Variants in LYPD5 observed in about 807,000 individuals in gnomAD.
LYPD5 encodes the protein LY6/PLAUR domain containing 5.
Under a neutral mutation model 19.1 loss-of-function variants are expected in LYPD5, and 21 were observed. The observed-to-expected ratio is 1.10, with a 90% CI of 0.78 to 1.58. LYPD5 has a LOEUF of 1.58. Ranked by LOEUF, LYPD5 falls within the 40% of genes most tolerant of loss-of-function variation. The pLI is 0.00. For synonymous variants in LYPD5, 128 were observed against 142.7 expected (o/e 0.90, Z 0.74); for missense variants, 287 against 329.8 (o/e 0.87, Z 1.00).
intron 1 of LYPD5, among the ~76,000 whole-genome samples, chr19:43,812,380 TCTATC>T (rs774994186): frequency 0.025 from 2,687 of 108,334 alleles, 34 homozygotes; most frequent in Non-Finnish European, 0.03. Context: ...TATCTATCAA[TCTATC>T]ATCTATCTAT....
At chr19:43,818,358 G>A (rs1402328386) in intron 1 of LYPD5, among the ~76,000 whole-genome samples, 3 of 152,170 alleles carry the variant, frequency 2.0e-5, no homozygotes, top group Non-Finnish European at 2.9e-5. Flanking sequence ...TGGTAGGGAA[G>A]GAGACAACAC....
chr19:43,812,463 C>T (rs1970334929), intron 1 of LYPD5, among the ~76,000 whole-genome samples: 1 of 151,838 alleles, frequency 6.6e-6, no homozygotes, highest in African/African-American at 2.4e-5. Flanking sequence ...ACTGTTGAAC[C>T]ATTAAAAGCA....
At chr19:43,811,169 A>T (rs1240206770) in intron 1 of LYPD5, among the ~76,000 whole-genome samples, 1 of 152,188 alleles carries the variant, frequency 6.6e-6, no homozygotes, top group Non-Finnish European at 1.5e-5. Flanking sequence ...TCACAGATTA[A>T]CTTTGAAATA....
chr19:43,804,850 C>T (rs364691), upstream of LYPD5, among the ~76,000 whole-genome samples: 43,000 of 152,046 alleles, frequency 0.28, 6,715 homozygotes, highest in East Asian at 0.48. Flanking sequence ...GGTGGAGGCA[C>T]TGAAGGTCTT....
At chr19:43,804,395 G>A (rs990665599), upstream of LYPD5, among the ~76,000 whole-genome samples, 2 of 151,764 alleles carry the variant, frequency 1.3e-5, no homozygotes, top group African/African-American at 4.8e-5. Context: ...ACATCCCATT[G>A]ACAGAATAAC....
At chr19:43,797,960 C>A in intron 4 of LYPD5, 131 bp from the exon 5 acceptor site, 1 of 705,174 alleles carries the variant, frequency 1.4e-6, no homozygotes, top group Non-Finnish European at 2.4e-6. Context: ...AAGACCAGGG[C>A]CAGGCCTCCC....
At chr19:43,808,480 A>G (rs1459832898) in intron 1 of LYPD5, among the ~76,000 whole-genome samples, 2 of 152,222 alleles carry the variant, frequency 1.3e-5, no homozygotes, top group Admixed American at 1.3e-4. Context: ...ATTCACATCT[A>G]AAGAGTTTAA....
intron 1 of LYPD5, among the ~76,000 whole-genome samples, chr19:43,820,128 A>G (rs991378037): frequency 2.0e-5 from 3 of 152,156 alleles, no homozygotes; most frequent in African/African-American, 7.2e-5. Flanking sequence ...TACACCAAGC[A>G]CTTTCTTCTT....
At chr19:43,807,370 T>C (rs1970280127), upstream of LYPD5, among the ~76,000 whole-genome samples, 1 of 151,754 alleles carries the variant, frequency 6.6e-6, no homozygotes, top group African/African-American at 2.4e-5. Flanking sequence ...AACCTCCGTG[T>C]CCCAGGTTCA....
chr19:43,811,627 A>C (rs1970324221), intron 1 of LYPD5, among the ~76,000 whole-genome samples: 1 of 151,952 alleles, frequency 6.6e-6, no homozygotes, highest in South Asian at 2.1e-4. Context: ...CGGAGGTTGC[A>C]GTGAGCAGAG....
chr19:43,799,786 G>A lies in LYPD5; in HGVS notation c.113C>T (p.Pro38Leu), dbSNP rs773956808. Reference sequence around the variant, plus strand: ...CAGCTTCATGGCCCTGAGGTCAAAGGGGCCAAAGTAGGTGTGCTCAAAGCT... The same window carrying A: ...CAGCTTCATGGCCCTGAGGTCAAAGAGGCCAAAGTAGGTGTGCTCAAAGCT... Reference protein sequence around the residue: ...CYSFEHTYFGPFDLRAMKLPS... With the variant: ...CYSFEHTYFGLFDLRAMKLPS... Residue 38 changes from proline (P) to leucine (L), a missense_variant, in exon 2 of 5, where the codon CCC (proline) becomes CTC (leucine). Physicochemically the swap from Pro to Leu is moderately conservative, Grantham distance 98. Coordinates refer to ENST00000377950, the MANE Select transcript of LYPD5 (RefSeq NM_001031749.3). The A allele has an allele frequency of 2.5e-6, 4 of 1,613,886 alleles. No homozygotes were observed. In the South Asian group the frequency reaches 4.4e-5, roughly 18 times the overall value.
intron 1 of LYPD5, among the ~76,000 whole-genome samples, chr19:43,816,532 A>C (rs948740305): frequency 6.6e-6 from 1 of 152,258 alleles, no homozygotes; most frequent in Middle Eastern, 3.2e-3. Flanking sequence ...GTCAGAGATC[A>C]AGTAAAATAC....
chr19:43,799,727 C>A lies in LYPD5; in HGVS notation c.172G>T (p.Ala58Ser), dbSNP rs1970197323. 6.2e-7 allele frequency: 1 copy of A among 1,613,730 alleles called. No homozygotes were observed. The highest frequency in any genetic ancestry group is 1.3e-5 in the African/African-American group (1 of 74,908). The change falls in exon 2 of 5, where the codon GCT becomes TCT. Residue 58 changes from alanine to serine, a missense_variant. Coordinates refer to ENST00000377950, the MANE Select transcript of LYPD5 (RefSeq NM_001031749.3). The part of the protein sequence containing the change: ...SISCPHECFE[A>S]ILSLDTGYRA... ...TTACCGGTGTCCAGAGACAGGATAGCCTCAAAGCACTCATGAGGACAGGAG... is the reference window on the plus strand; with the variant it reads ...TTACCGGTGTCCAGAGACAGGATAGACTCAAAGCACTCATGAGGACAGGAG...
At position 43,797,759 on chromosome 19, in the gene LYPD5, G is replaced by T. The variant is rs1970153272; in HGVS notation, c.588C>A (p.Ser196Arg). 1.9e-6 allele frequency: 3 copies of T among 1,614,002 alleles called. No homozygotes were observed. The highest frequency in any genetic ancestry group is 2.5e-6 in the Non-Finnish European group (3 of 1,179,952). Residue 196 changes from serine (S) to arginine (R), a missense_variant, in exon 5 of 5, where the codon AGC becomes AGA. Physicochemically the swap from Ser to Arg is moderately radical, Grantham distance 110. Coordinates refer to ENST00000377950, the MANE Select transcript of LYPD5 (RefSeq NM_001031749.3). The part of the protein sequence containing the change: ...RPSCTTEGTT[S>R]PWTAIDLQGS... ...CCTGGAGGTCGATGGCTGTCCAGGG[G>T]CTGGTGGTGCCCTCGGTGGTGCAGG...
intron 2 of LYPD5, 154 bp from the exon 3 acceptor site, chr19:43,799,142 G>A: frequency 2.6e-6 from 2 of 775,642 alleles, no homozygotes; most frequent in South Asian, 1.9e-5. Context: ...CTTTTCCCCC[G>A]AGTTCTTCTC....
At chr19:43,807,405 T>C (rs1333724698), upstream of LYPD5, among the ~76,000 whole-genome samples, 1 of 151,830 alleles carries the variant, frequency 6.6e-6, no homozygotes, top group African/African-American at 2.4e-5. Flanking sequence ...CTCAGCCTCC[T>C]GAGTAGTAGC....
At chr19:43,816,421 C>A (rs1970376775) in intron 1 of LYPD5, among the ~76,000 whole-genome samples, 1 of 152,314 alleles carries the variant, frequency 6.6e-6, no homozygotes, top group Admixed American at 6.5e-5. Flanking sequence ...CCTCTGTGGA[C>A]TACAATATGA....
chr19:43,817,435 T>C (rs186698320), intron 1 of LYPD5, among the ~76,000 whole-genome samples: 429 of 152,226 alleles, frequency 2.8e-3, no homozygotes, highest in African/African-American at 9.9e-3. Context: ...AGTGGAGAAA[T>C]TGACTCCACC....
chr19:43,802,415 C>T lies in LYPD5; in HGVS notation c.-35G>A, dbSNP rs1433275321. ...GGGCCACCTGGGACAGCTCCTCCCG[C>T]TGTGATGTGCTGCCTGGCTGGTTCT... On this transcript the variant is annotated 5_prime_UTR_variant, in exon 1 of 5. Coordinates refer to ENST00000377950, the MANE Select transcript of LYPD5 (RefSeq NM_001031749.3). The T allele has an allele frequency of 8.4e-6, 13 of 1,542,110 alleles. No homozygotes were observed. The highest frequency in any genetic ancestry group is 1.1e-5 in the Non-Finnish European group (13 of 1,138,554).
Sources: allele counts gnomAD v4.1 joint callset (sites outside exome capture counted in the v4.1 genomes callset), GRCh38; gene constraint gnomAD v4.1.1; transcripts MANE v1.5; gene names NCBI Gene and HGNC (gene_info 2026-07-23, HGNC 2026-07-21).